Variants in AARSD1 observed in about 807,000 individuals in gnomAD.
The protein encoded by AARSD1 is alanyl-tRNA synthetase domain containing 1, also known as alanyl-tRNA editing protein Aarsd1.
Under a neutral mutation model 48.7 loss-of-function variants are expected in AARSD1, and 44 were observed. The observed-to-expected ratio is 0.90, with a 90% CI of 0.71 to 1.16. AARSD1 has a LOEUF of 1.16. Among genes scored for constraint, AARSD1 ranks in the 50% most tolerant of loss-of-function variants. The pLI is 0.00. For synonymous variants in AARSD1, 189 were observed against 194.9 expected (o/e 0.97, Z 0.25); for missense variants, 511 against 523.1 (o/e 0.98, Z 0.23).
At chr17:42,955,634 G>C in intron 7 of AARSD1, 1 of 703,882 alleles carries the variant, frequency 1.4e-6, no homozygotes. Context: ...GTAGAGACGG[G>C]GTTTCACGGT....
At chr17:42,956,824 C>T (rs377741434) in intron 4 of AARSD1, among the ~76,000 whole-genome samples, 13 of 148,752 alleles carry the variant, frequency 8.7e-5, no homozygotes, top group South Asian at 6.5e-4. Flanking sequence ...CCCGCCACCA[C>T]GCCCGGCTAA....
At chr17:42,951,709 C>G in intron 11 of AARSD1, 91 bp downstream of exon 11, 1 of 1,365,220 alleles carries the variant, frequency 7.3e-7, no homozygotes, top group South Asian at 1.2e-5. Flanking sequence ...TAAATGAGAT[C>G]GCAGATGTGA....
chr17:42,953,465 A>C (rs544368771), intron 10 of AARSD1, among the ~76,000 whole-genome samples: 3 of 152,332 alleles, frequency 2.0e-5, no homozygotes, highest in African/African-American at 7.2e-5. Flanking sequence ...AATGGCTTTG[A>C]GGAGCTAGAG....
chr17:42,963,656 C>A (rs935140174), intron 2 of AARSD1, among the ~76,000 whole-genome samples: 2 of 152,028 alleles, frequency 1.3e-5, no homozygotes, highest in African/African-American at 2.4e-5. Context: ...TTCCTTGGGG[C>A]CTTTGCACCT....
At position 42,956,424 on chromosome 17, in the gene AARSD1, C is replaced by A. The variant is rs201740875; in HGVS notation, c.526G>T (p.Asp176Tyr). ...CTTACCTGCTCCACCTCAGGATCAT[C>A]CAGGCTCAGTTCTCGGACATTCACA... ...LPVNVRELSL[D>Y]DPEVEQVSGR... The change falls in exon 5 of 12, where the codon GAT becomes TAT. Residue 176 changes from aspartate to tyrosine, a missense_variant. Transcript: ENST00000427569. 1.1e-5 allele frequency: 18 copies of A among 1,614,104 alleles called. No homozygotes were observed. Among genetic ancestry groups the A allele is most frequent in the African/African-American group, 4.0e-5 (3 of 75,024 alleles).
At position 42,957,293 on chromosome 17, in the gene AARSD1, C is replaced by A. The variant is rs917332885; in HGVS notation, c.332-98G>T. 46 of 1,517,428 alleles carry A rather than the reference C, an allele frequency of 3.0e-5. No homozygotes were observed. The East Asian group carries it at 9.4e-4, about 31-fold the overall frequency. The allele number at this position is 1,517,428 out of a possible 1,614,324, so 94.0% of individuals were successfully genotyped here. On this transcript the variant is annotated intron_variant, in intron 3 of 11. Transcript: ENST00000427569. The stretch of plus-strand genomic sequence containing the variant: ...ACAATGATAAAAGCACAGAAATTCT[C>A]CTTGTTGAAGACCTGCTAAGCACTG...
At position 42,964,236 on chromosome 17, in the gene AARSD1, AACTG is replaced by A; in HGVS notation, c.40-3_40del. 1 of 1,612,446 alleles carries A rather than the reference AACTG, an allele frequency of 6.2e-7. No individual in the cohort carries two copies. Among genetic ancestry groups the A allele is most frequent in the East Asian group, 2.2e-5 (1 of 44,752 alleles). Reference sequence around the variant, plus strand: ...ACAGCAGGAGACCACGGTGGTGGTGAACTGAACAGAGAGGAATGAGAGAATAAGC... The same window carrying A: ...ACAGCAGGAGACCACGGTGGTGGTGAAACAGAGAGGAATGAGAGAATAAGC... On this transcript the variant is annotated splice_acceptor_variant and splice_polypyrimidine_tract_variant and coding_sequence_variant and intron_variant, in exon 2 of 12. Coordinates refer to ENST00000427569, the MANE Select transcript of AARSD1 (RefSeq NM_001261434.2). LOFTEE classifies it high-confidence loss of function.
At chr17:42,953,815 A>AGTG (rs1250433680) in intron 9 of AARSD1, 37 bp from the exon 10 acceptor site, 2 of 1,613,966 alleles carry the variant, frequency 1.2e-6, no homozygotes, top group Non-Finnish European at 1.7e-6. Context: ...CCCAGGTTGG[A>AGTG]GTGGTGGCTG....
In AARSD1 at chr17:42,953,770, C is replaced by A. The variant is rs150835196; in HGVS notation, c.962G>T (p.Gly321Val). ...AATGATATTCATGAACTCTGAATCA[C>A]CCTCCTTCCTACAACAAAGGACACA... Reference protein sequence around the residue: ...GGVVILHRKEGDSEFMNIIAN... With the variant: ...GGVVILHRKEVDSEFMNIIAN... The change falls in exon 10 of 12, where the codon GGT (glycine) becomes GTT (valine). Residue 321 changes from glycine to valine, a missense_variant. Gly to Val is a moderately radical substitution (Grantham distance 109). Coordinates refer to ENST00000427569, the MANE Select transcript of AARSD1 (RefSeq NM_001261434.2). 1.5e-4 allele frequency: 235 copies of A among 1,614,038 alleles called. No homozygotes were observed. Among genetic ancestry groups the A allele is most frequent in the Non-Finnish European group, 1.9e-4 (227 of 1,180,012 alleles).
chr17:42,956,966 CTTTTTT>C (rs55786826), intron 4 of AARSD1, among the ~76,000 whole-genome samples, 166 bp downstream of exon 4: 1 of 118,586 alleles, frequency 8.4e-6, no homozygotes, highest in East Asian at 2.4e-4. Context: ...TGCGCCTGGC[CTTTTTT>C]TTTTTTTTTT....
intron 6 of AARSD1, 91 bp downstream of exon 6, chr17:42,956,113 T>C (rs1160602474): frequency 1.2e-6 from 2 of 1,610,402 alleles, no homozygotes; most frequent in Non-Finnish European, 8.5e-7. Context: ...TTAGGACTCC[T>C]CGATTATCCC....
At chr17:42,964,085 G>C in intron 2 of AARSD1, 21 bp downstream of exon 2, 2 of 1,613,916 alleles carry the variant, frequency 1.2e-6, no homozygotes, top group Non-Finnish European at 1.7e-6. Context: ...GGGGCTTCCT[G>C]GGAAGAGATC....
intron 3 of AARSD1, among the ~76,000 whole-genome samples, chr17:42,957,956 A>G (rs1371959946): frequency 6.6e-6 from 1 of 152,176 alleles, no homozygotes; most frequent in Non-Finnish European, 1.5e-5. Context: ...CTATCAAGGA[A>G]GAGGGAACAA....
At chr17:42,957,007 T>G (rs1047920416) in intron 4 of AARSD1, 131 bp downstream of exon 4, 38 of 787,134 alleles carry the variant, frequency 4.8e-5, no homozygotes, top group East Asian at 1.3e-4. Context: ...CTGTCACCCA[T>G]GCTGCCATTT....
chr17:42,964,074 G>A (rs1236055260), intron 2 of AARSD1, 32 bp downstream of exon 2: 2 of 1,613,312 alleles, frequency 1.2e-6, no homozygotes, highest in South Asian at 1.1e-5. Context: ...CAAAGAAACT[G>A]GGGGCTTCCT....
rs1567718995 is a variant in AARSD1 at position 42,964,102 on chromosome 17, G to C, written c.171+4C>G. 9 of 1,614,016 alleles carry C rather than the reference G, an allele frequency of 5.6e-6. No individual in the cohort carries two copies. The highest frequency in any genetic ancestry group is 7.6e-6 in the Non-Finnish European group (9 of 1,180,036). ...GGCTTCCTGGGAAGAGATCGTTTTG[G>C]TACCTGTCCCCCGCCCTCAGGGAAA... On this transcript the variant is annotated splice_donor_region_variant and intron_variant, in intron 2 of 11. Coordinates refer to ENST00000427569, the MANE Select transcript of AARSD1 (RefSeq NM_001261434.2).
At chr17:42,955,770 C>A (rs1319703421) in intron 7 of AARSD1, 72 bp downstream of exon 7, 2 of 1,596,444 alleles carry the variant, frequency 1.3e-6, no homozygotes, top group East Asian at 2.2e-5. Flanking sequence ...TGCATCTTAT[C>A]TCCCAGAGGT....
intron 4 of AARSD1, 22 bp from the exon 5 acceptor site, chr17:42,956,582 C>T: frequency 6.4e-7 from 1 of 1,558,568 alleles, no homozygotes; most frequent in Non-Finnish European, 8.7e-7. Flanking sequence ...ACAGTGGCCA[C>T]AGATAACATA....
intron 1 of AARSD1, 61 bp from the exon 2 acceptor site, chr17:42,964,298 C>T (rs2049682601): frequency 1.9e-6 from 3 of 1,610,140 alleles, no homozygotes; most frequent in Non-Finnish European, 2.5e-6. Flanking sequence ...GCCCTCTCCA[C>T]ACCAGGACAG....
Sources: allele counts gnomAD v4.1 joint callset (sites outside exome capture counted in the v4.1 genomes callset), GRCh38; gene constraint gnomAD v4.1.1; transcripts MANE v1.5; gene names NCBI Gene and HGNC (gene_info 2026-07-23, HGNC 2026-07-21).